TPO: variants seen among roughly 807,000 people sequenced by gnomAD.
TPO encodes the protein thyroid microsomal antigen.
In TPO, 78 loss-of-function variants were observed where a neutral mutation model predicts 96.9. The observed-to-expected ratio is 0.81, with a 90% CI of 0.67 to 0.97. TPO has a LOEUF of 0.97. Ranked by LOEUF, TPO falls within the 50% of genes least tolerant of loss-of-function variation. The pLI, the probability that TPO is intolerant of heterozygous loss-of-function variation, is 0.00. For synonymous variants in TPO, 547 were observed against 538.0 expected (o/e 1.02, Z -0.23); for missense variants, 1,252 against 1,274.8 (o/e 0.98, Z 0.27).
intron 1 of TPO, among the ~76,000 whole-genome samples, chr2:1,388,834 T>G (rs978334690): frequency 6.6e-6 from 1 of 152,178 alleles, no homozygotes; most frequent in African/African-American, 2.4e-5. Flanking sequence ...GAGCTCTTCC[T>G]ATTTGGCCAT....
chr2:1,467,516 G>T (rs560296364), intron 7 of TPO, among the ~76,000 whole-genome samples: 1 of 152,148 alleles, frequency 6.6e-6, no homozygotes, highest in Non-Finnish European at 1.5e-5. Context: ...TTTTGGAGTT[G>T]ATTTCCAGTT....
intron 5 of TPO, among the ~76,000 whole-genome samples, chr2:1,444,770 A>G (rs11211649): frequency 0.38 from 1,422 of 3,784 alleles, 436 homozygotes; most frequent in East Asian, 0.71. Context: ...GAAGGGAATG[A>G]GCAGGCTCCT....
intron 7 of TPO, among the ~76,000 whole-genome samples, chr2:1,462,748 C>G (rs1668564205): frequency 6.6e-6 from 1 of 152,168 alleles, no homozygotes; most frequent in Non-Finnish European, 1.5e-5. Flanking sequence ...ATTCACAGCA[C>G]CACAAGAATC....
chr2:1,523,202 A>G (rs1675572532), intron 15 of TPO, among the ~76,000 whole-genome samples: 1 of 64,294 alleles, frequency 1.6e-5, no homozygotes. Context: ...AACTGTTTGC[A>G]ACCTCCCAAA....
chr2:1,376,973 T>C (rs1481936898), intron 1 of TPO, among the ~76,000 whole-genome samples: 1 of 152,308 alleles, frequency 6.6e-6, no homozygotes, highest in Middle Eastern at 3.4e-3. Flanking sequence ...AATTACTTTA[T>C]ATTTGGCAAA....
At chr2:1,502,098 G>A (rs568483523) in intron 13 of TPO, among the ~76,000 whole-genome samples, 10 of 152,108 alleles carry the variant, frequency 6.6e-5, no homozygotes, top group Admixed American at 5.9e-4. Flanking sequence ...GGCTTGTAGC[G>A]TTCATGGGTG....
intron 14 of TPO, 117 bp from the exon 15 acceptor site, chr2:1,516,766 T>C: frequency 1.1e-6 from 1 of 886,768 alleles, no homozygotes; most frequent in Non-Finnish European, 1.9e-6. Context: ...CCCTGCGTCA[T>C]GCTGTGGGGT....
In TPO at chr2:1,496,129, A is replaced by C; in HGVS notation, c.2147A>C (p.Glu716Ala). The C allele has an allele frequency of 6.2e-7, 1 of 1,614,046 alleles. No homozygotes were observed. Among genetic ancestry groups the C allele is most frequent in the Non-Finnish European group, 8.5e-7 (1 of 1,180,010 alleles). Residue 716 changes from glutamate (E) to alanine (A), a missense_variant, in exon 12 of 17, where the codon GAA becomes GCA. Physicochemically the swap from Glu to Ala is moderately radical, Grantham distance 107 (BLOSUM62 -1). Transcript: ENST00000329066. Reference sequence around the variant, plus strand: ...GCCTTCCAAGTCGGCAAATTCCCCGAAGACTTTGAGTCTTGTGACAGCATC... The same window carrying C: ...GCCTTCCAAGTCGGCAAATTCCCCGCAGACTTTGAGTCTTGTGACAGCATC... ...MDAFQVGKFPEDFESCDSITG... is the reference protein window; with the variant it reads ...MDAFQVGKFPADFESCDSITG...
intron 7 of TPO, among the ~76,000 whole-genome samples, chr2:1,468,269 T>G (rs1461741727): frequency 6.6e-6 from 1 of 152,120 alleles, no homozygotes; most frequent in Non-Finnish European, 1.5e-5. Flanking sequence ...ATTTTGCTGG[T>G]TTTTTTAATT....
At chr2:1,454,769 T>C (rs1203336225) in intron 6 of TPO, among the ~76,000 whole-genome samples, 1 of 152,212 alleles carries the variant, frequency 6.6e-6, no homozygotes, top group East Asian at 1.9e-4. Flanking sequence ...AAACTCTCAG[T>C]ATTATGAGAT....
chr2:1,402,939 T>C (rs1662194355), intron 1 of TPO, among the ~76,000 whole-genome samples: 1 of 152,232 alleles, frequency 6.6e-6, no homozygotes, highest in Admixed American at 6.5e-5. Flanking sequence ...CAGTGGTGAA[T>C]GTGTGAGTCC....
At chr2:1,541,127 C>CTTACCTTGTATGCAGA in intron 16 of TPO, 1 of 1,188,108 alleles carries the variant, frequency 8.4e-7, no homozygotes, top group Non-Finnish European at 1.1e-6. Flanking sequence ...GTTTTACCCC[C>CTTACCTTGTATGCAGA]TTACCTTGTA....
intron 16 of TPO, chr2:1,540,957 C>CAAAACTAAGGGCTCA: frequency 2.7e-6 from 4 of 1,498,912 alleles, no homozygotes; most frequent in Non-Finnish European, 3.6e-6. Context: ...AAACCGGTTC[C>CAAAACTAAGGGCTCA]AAAACTAAGG....
At chr2:1,432,643 G>C (rs1665119831) in intron 3 of TPO, among the ~76,000 whole-genome samples, 1 of 112,604 alleles carries the variant, frequency 8.9e-6, no homozygotes, top group Non-Finnish European at 1.8e-5. Flanking sequence ...GGGGAGGCCT[G>C]CAGGTGAGGA....
At chr2:1,431,513 G>A (rs1260483362) in intron 3 of TPO, among the ~76,000 whole-genome samples, 1 of 152,094 alleles carries the variant, frequency 6.6e-6, no homozygotes, top group African/African-American at 2.4e-5. Context: ...TATTTTTATT[G>A]TATGTATTTC....
Position 1,436,524 on chromosome 2 carries a change from G to A in TPO, c.482+140G>A, listed in dbSNP as rs556195952. ...CCTGGTTCCTGTCCTTGGCCTCCCC[G>A]ACATGGCCTCCTGCATGCCTGGTGG... On this transcript the variant is annotated intron_variant, in intron 5 of 16. Transcript: ENST00000329066. 153 of 1,325,432 alleles carry A rather than the reference G, an allele frequency of 1.2e-4. No individual in the cohort carries two copies. The African/African-American group carries it at 1.7e-3, about 14-fold the overall frequency. The allele number at this position is 1,325,432 out of a possible 1,614,324, so 82.1% of individuals were successfully genotyped here. A position where few individuals can be genotyped will look rare whatever the true frequency, so the allele number is the denominator to read the frequency against.
intron 7 of TPO, among the ~76,000 whole-genome samples, chr2:1,461,249 C>A (rs1668405200): frequency 6.6e-6 from 1 of 152,174 alleles, no homozygotes; most frequent in Non-Finnish European, 1.5e-5. Flanking sequence ...CACACCCGCC[C>A]CCAGAGGCTC....
At chr2:1,538,130 TCAACCTTCTCAAATACCCCATACTGTGTA>T (rs1286511882) in intron 15 of TPO, among the ~76,000 whole-genome samples, 8 of 105,382 alleles carry the variant, frequency 7.6e-5, no homozygotes, top group South Asian at 3.1e-4. Flanking sequence ...CGCACTGTGT[TCAACCTTCTCAAATACCCCATACTGTGTA>T]CAACCTCCTC....
At chr2:1,482,082 G>C (rs563493887) in intron 8 of TPO, among the ~76,000 whole-genome samples, 112 of 152,356 alleles carry the variant, frequency 7.4e-4, no homozygotes, top group African/African-American at 2.5e-3. Context: ...TTGAGAAAAT[G>C]CTGAGTGATG....
Sources: gnomAD v4.1 joint callset for allele counts (sites outside exome capture counted in the v4.1 genomes callset) on GRCh38, gnomAD v4.1.1 for gene constraint, MANE v1.5 for transcripts, NCBI Gene and HGNC (gene_info 2026-07-23, HGNC 2026-07-21) for gene names.